AGAP1: variants seen among roughly 807,000 people sequenced by gnomAD.
AGAP1 encodes the protein arf-GAP with GTPase, ANK repeat and PH domain-containing protein 1.
In AGAP1, 29 loss-of-function variants were observed where a neutral mutation model predicts 105.3. The ratio of observed to expected loss-of-function variants is 0.28; its 90% CI spans 0.21 to 0.38. The LOEUF (loss-of-function observed/expected upper bound fraction) is 0.38. AGAP1 is among the 10% of genes least tolerant of loss of function. The pLI is 1.00. For synonymous variants in AGAP1, 509 were observed against 485.9 expected (o/e 1.05, Z -0.63); for missense variants, 998 against 1,165.1 (o/e 0.86, Z 2.09).
intron 1 of AGAP1, among the ~76,000 whole-genome samples, chr2:235,680,767 C>A (rs1237208603): frequency 6.6e-6 from 1 of 152,094 alleles, no homozygotes; most frequent in Non-Finnish European, 1.5e-5. Context: ...CATTTTCAGG[C>A]CTCACCAGAA....
intron 1 of AGAP1, among the ~76,000 whole-genome samples, chr2:235,509,557 A>G (rs1941983333): frequency 6.6e-6 from 1 of 151,814 alleles, no homozygotes; most frequent in African/African-American, 2.4e-5. Context: ...CATAAAGTAA[A>G]CTCCAACTCT....
chr2:235,993,615 G>A lies in AGAP1; in HGVS notation c.1645+24992G>A, dbSNP rs2055667055. Among the ~76,000 whole-genome samples, 1 of 152,230 alleles carries A rather than the reference G, an allele frequency of 6.6e-6. No individual in the cohort carries two copies. The highest frequency in any genetic ancestry group is 2.4e-5 in the African/African-American group (1 of 41,464). On this transcript the variant is annotated intron_variant, in intron 13 of 17. Coordinates refer to ENST00000304032, the MANE Select transcript of AGAP1 (RefSeq NM_001037131.3). The surrounding 1 kb of genome is among the most constrained non-coding windows in gnomAD (Gnocchi z 5.0). Reference sequence around the variant, plus strand: ...ACTGAAGCCAGCAAGATACTGTGAAGGAAAATGCTTGGAGAATGTTGCAGC... The same window carrying A: ...ACTGAAGCCAGCAAGATACTGTGAAAGAAAATGCTTGGAGAATGTTGCAGC...
rs139998778 is a variant in AGAP1 at position 235,711,510 on chromosome 2, G to T, written c.222+2273G>T. 5.5e-3 allele frequency among the ~76,000 whole-genome samples: 836 copies of T among 152,304 alleles called. 5 individuals are homozygous for T. Among genetic ancestry groups the T allele is most frequent in the African/African-American group, 0.019 (794 of 41,570 alleles). On this transcript the variant is annotated intron_variant, in intron 2 of 17. Coordinates refer to ENST00000304032, the MANE Select transcript of AGAP1 (RefSeq NM_001037131.3). ...CAGCATGGGCTCCTCATTCTGAAAC[G>T]GACTGTCTTAAGGCTTGCTTCAATT...
intron 1 of AGAP1, among the ~76,000 whole-genome samples, chr2:235,499,286 A>G (rs1941462110): frequency 6.6e-6 from 1 of 152,226 alleles, no homozygotes; most frequent in Non-Finnish European, 1.5e-5. Context: ...CAAAGAACCT[A>G]AAGTATTCTG....
rs1479243436 is a variant in AGAP1, at chr2:235,927,106, C to T, written c.1325-3659C>T. ...TGTCCATGTATACACCTTGATGTGG[C>T]CCAAATTCAGTCATGCTGTTTCAGT... On this transcript the variant is annotated intron_variant, in intron 11 of 17. Transcript: ENST00000304032. This position sits in a 1 kb window ranked among gnomAD's most constrained non-coding sequence, Gnocchi z 4.4. Among the ~76,000 whole-genome samples, 1 of 152,176 alleles carries T rather than the reference C, an allele frequency of 6.6e-6. No homozygotes were observed. The highest frequency in any genetic ancestry group is 1.5e-5 in the Non-Finnish European group (1 of 68,032).
rs1459049999 is a variant in AGAP1, at chr2:235,569,384, G to A, written c.163+74535G>A. Among the ~76,000 whole-genome samples, 2 of 152,166 alleles carry A rather than the reference G, an allele frequency of 1.3e-5. No homozygotes were observed. The highest frequency in any genetic ancestry group is 4.8e-5 in the African/African-American group (2 of 41,438). The stretch of plus-strand genomic sequence containing the variant: ...CTCTCCTGGCCAGGTGTCCCCTTGT[G>A]TATGTTATCCTTGAATCTTCCTAGC... On this transcript the variant is annotated intron_variant, in intron 1 of 17. Coordinates refer to ENST00000304032, the MANE Select transcript of AGAP1 (RefSeq NM_001037131.3). The surrounding 1 kb of genome is among the most constrained non-coding windows in gnomAD (Gnocchi z 5.9).
At chr2:235,709,909 G>A (rs1950758606) in intron 2 of AGAP1, among the ~76,000 whole-genome samples, 2 of 152,108 alleles carry the variant, frequency 1.3e-5, no homozygotes, top group Non-Finnish European at 2.9e-5. Context: ...TGAAATATGT[G>A]GCATTTGTGT....
chr2:235,567,300 G>C (rs1018182813), intron 1 of AGAP1, among the ~76,000 whole-genome samples: 1 of 152,246 alleles, frequency 6.6e-6, no homozygotes, highest in African/African-American at 2.4e-5. Context: ...AGGCGGAGCG[G>C]TGTTTGTTCA....
rs1186532032 is a variant in AGAP1 at position 235,692,228 on chromosome 2, TG to T, written c.164-16950del. 1.3e-5 allele frequency among the ~76,000 whole-genome samples: 2 copies of T among 152,062 alleles called. No individual in the cohort carries two copies. The highest frequency in any genetic ancestry group is 4.8e-5 in the African/African-American group (2 of 41,386). ...CGTCGTGTCTAGGTGGTGACAGCCA[TG>T]TAGATATGCCCGCTGCCTTGCACCT... On this transcript the variant is annotated intron_variant, in intron 1 of 17. Coordinates refer to ENST00000304032, the MANE Select transcript of AGAP1 (RefSeq NM_001037131.3). This position sits in a 1 kb window ranked among gnomAD's most constrained non-coding sequence, Gnocchi z 5.8.
In AGAP1 at chr2:236,021,569, C is replaced by T. The variant is rs545586425; in HGVS notation, c.1646-14992C>T. Among the ~76,000 whole-genome samples, 16 of 152,246 alleles carry T rather than the reference C, an allele frequency of 1.1e-4. No homozygotes were observed. The South Asian group carries it at 2.9e-3, about 28-fold the overall frequency. Reference sequence around the variant, plus strand: ...ACCGCTTAGTAACAAGATAAATCACCGCACGTGCCTATCGTTGCTTTGTCT... The same window carrying T: ...ACCGCTTAGTAACAAGATAAATCACTGCACGTGCCTATCGTTGCTTTGTCT... On this transcript the variant is annotated intron_variant, in intron 13 of 17. Transcript: ENST00000304032.
intron 13 of AGAP1, among the ~76,000 whole-genome samples, chr2:236,028,700 C>T (rs2057131489): frequency 6.6e-6 from 1 of 152,138 alleles, no homozygotes. Context: ...GTCTTTCATT[C>T]CCTTATTTTT....
In AGAP1 at chr2:235,961,558, G is replaced by A. The variant is rs769023270; in HGVS notation, c.1484-6904G>A. 3.3e-5 allele frequency among the ~76,000 whole-genome samples: 5 copies of A among 152,212 alleles called. No homozygotes were observed. The highest frequency in any genetic ancestry group is 2.6e-4 in the Admixed American group (4 of 15,284). On this transcript the variant is annotated intron_variant, in intron 12 of 17. Transcript: ENST00000304032. This position sits in a 1 kb window ranked among gnomAD's most constrained non-coding sequence, Gnocchi z 5.9. ...CTAGGGAGTTGTGCTTTAAAGAAGG[G>A]CAGGAGTCAAATGTCCAGGGTGGAG...
Position 235,586,830 on chromosome 2 carries a change from CTGAG to C in AGAP1, c.163+91986_163+91989del, listed in dbSNP as rs1339944091. Among the ~76,000 whole-genome samples, 3 of 152,188 alleles carry C rather than the reference CTGAG, an allele frequency of 2.0e-5. No homozygotes were observed. The highest frequency in any genetic ancestry group is 7.2e-5 in the African/African-American group (3 of 41,444). On this transcript the variant is annotated intron_variant, in intron 1 of 17. Transcript: ENST00000304032. This position sits in a 1 kb window ranked among gnomAD's most constrained non-coding sequence, Gnocchi z 4.2. Reference sequence around the variant, plus strand: ...GAGGGAGCGGTTGGCTGGGGAAGACCTGAGTGAGGGAGCTTTCTTGAGGACGGGT... The same window carrying C: ...GAGGGAGCGGTTGGCTGGGGAAGACCTGAGGGAGCTTTCTTGAGGACGGGT...
chr2:235,687,858 C>CT (rs147953084), intron 1 of AGAP1, among the ~76,000 whole-genome samples: 28,023 of 117,056 alleles, frequency 0.24, 3,134 homozygotes, highest in Non-Finnish European at 0.3. Flanking sequence ...TTTTTTTTTT[C>CT]TTTTTTTTTT....
intron 9 of AGAP1, among the ~76,000 whole-genome samples, chr2:235,849,824 G>A (rs1233346401): frequency 3.3e-5 from 5 of 152,202 alleles, no homozygotes; most frequent in East Asian, 3.9e-4. Flanking sequence ...GGAGGAAGAC[G>A]AGCATGGTCT....
At chr2:236,070,612 C>T (rs2058470723) in intron 16 of AGAP1, among the ~76,000 whole-genome samples, 1 of 152,168 alleles carries the variant, frequency 6.6e-6, no homozygotes, top group African/African-American at 2.4e-5. Context: ...ATTGTTCAGC[C>T]ACAGAAAAGA....
intron 1 of AGAP1, among the ~76,000 whole-genome samples, chr2:235,597,260 C>T (rs1034016826): frequency 3.3e-5 from 5 of 152,216 alleles, no homozygotes; most frequent in Admixed American, 2.0e-4. Context: ...GTGCTCAGGA[C>T]GTGTGGAGCA....
intron 13 of AGAP1, among the ~76,000 whole-genome samples, chr2:236,023,775 G>C (rs1028237020): frequency 2.6e-5 from 4 of 152,110 alleles, no homozygotes; most frequent in African/African-American, 9.7e-5. Context: ...ATCACAGGTT[G>C]CTCATTAAAT....
rs576125750 is a variant in AGAP1 at position 235,553,198 on chromosome 2, A to G, written c.163+58349A>G. On this transcript the variant is annotated intron_variant, in intron 1 of 17. Transcript: ENST00000304032. This position sits in a 1 kb window ranked among gnomAD's most constrained non-coding sequence, Gnocchi z 4.5. Reference sequence around the variant, plus strand: ...AAAACCAAGAAGATGGTGAACTAACATTCTCAAGTACTGTCTTAAGTCAGT... The same window carrying G: ...AAAACCAAGAAGATGGTGAACTAACGTTCTCAAGTACTGTCTTAAGTCAGT... Among the ~76,000 whole-genome samples, 1 of 152,154 alleles carries G rather than the reference A, an allele frequency of 6.6e-6. No individual in the cohort carries two copies. Among genetic ancestry groups the G allele is most frequent in the South Asian group, 2.1e-4 (1 of 4,816 alleles).
Sources: gnomAD v4.1 joint callset for allele counts (sites outside exome capture counted in the v4.1 genomes callset) on GRCh38, gnomAD v4.1.1 for gene constraint, Gnocchi (gnomAD v3.1) non-coding constraint, MANE v1.5 for transcripts, NCBI Gene and HGNC (gene_info 2026-07-23, HGNC 2026-07-21) for gene names.